The following ZFPM2 variants were observed in gnomAD, a reference collection of about 807,000 sequenced individuals.
The protein encoded by ZFPM2 is zinc finger protein, FOG family member 2, also known as zinc finger protein ZFPM2.
ZFPM2 carries 20 observed loss-of-function variants against 98.6 expected under a neutral mutation model. The observed-to-expected ratio is 0.20, with a 90% CI of 0.14 to 0.29. The LOEUF is 0.29. ZFPM2 is among the 10% of genes least tolerant of loss of function. ZFPM2 has a pLI of 1.00. For synonymous variants in ZFPM2, 518 were observed against 502.7 expected (o/e 1.03, Z -0.41); for missense variants, 1,310 against 1,388.6 (o/e 0.94, Z 0.90).
chr8:105,461,239 C>G (rs1313156541), intron 3 of ZFPM2, among the ~76,000 whole-genome samples: 1 of 152,058 alleles, frequency 6.6e-6, no homozygotes, highest in Non-Finnish European at 1.5e-5. Context: ...CTGGATTTGA[C>G]TCATTCTTTA....
At chr8:105,453,300 T>C (rs973261030) in intron 3 of ZFPM2, among the ~76,000 whole-genome samples, 4 of 152,238 alleles carry the variant, frequency 2.6e-5, no homozygotes, top group South Asian at 2.1e-4. Flanking sequence ...GTTTTAATAA[T>C]GATTTTTGAG....
intron 1 of ZFPM2, among the ~76,000 whole-genome samples, chr8:105,358,176 T>G (rs898914670): frequency 6.6e-6 from 1 of 152,218 alleles, no homozygotes; most frequent in African/African-American, 2.4e-5. Context: ...TAACCTAGTG[T>G]GTCGTAAAAC....
intron 5 of ZFPM2, among the ~76,000 whole-genome samples, chr8:105,712,437 G>C (rs1212180624): frequency 6.6e-6 from 1 of 152,064 alleles, no homozygotes; most frequent in East Asian, 1.9e-4. Flanking sequence ...GAGGTAGACA[G>C]TATTACCTCA....
At chr8:105,606,358 A>C (rs542435355) in intron 4 of ZFPM2, among the ~76,000 whole-genome samples, 13 of 151,814 alleles carry the variant, frequency 8.6e-5, no homozygotes, top group Admixed American at 5.3e-4. Flanking sequence ...ATGTATTTCC[A>C]TATCTTTTTT....
chr8:105,443,312 C>CAA lies in ZFPM2; in HGVS notation c.200-963_200-962dup, dbSNP rs1491232192. Among the ~76,000 whole-genome samples, 28 of 115,340 alleles carry CAA rather than the reference C, an allele frequency of 2.4e-4. 1 individual carries two copies. Among genetic ancestry groups the CAA allele is most frequent in the Non-Finnish European group, 3.0e-4 (18 of 60,846 alleles). The allele number at this position is 115,340 out of a possible 152,430, so 75.7% of individuals were successfully genotyped here. A position where few individuals can be genotyped will look rare whatever the true frequency, so the allele number is the denominator to read the frequency against. On this transcript the variant is annotated intron_variant, in intron 2 of 7. Transcript: ENST00000407775. ...TGACAGAGCGAGTAAGACTCCTTCT[C>CAA]AAAAAACAAAAAACAAAAAAAAAAA... is the stretch of plus-strand genomic sequence containing the variant.
chr8:105,756,890 G>A (rs191882332), intron 5 of ZFPM2, among the ~76,000 whole-genome samples: 12 of 152,278 alleles, frequency 7.9e-5, no homozygotes, highest in African/African-American at 2.9e-4. Flanking sequence ...TGCAGATGGC[G>A]ATGCCGTGAT....
intron 5 of ZFPM2, among the ~76,000 whole-genome samples, chr8:105,679,614 C>A (rs776696343): frequency 6.6e-6 from 1 of 151,580 alleles, no homozygotes; most frequent in African/African-American, 2.4e-5. Context: ...AGCAACATGG[C>A]AAAACTCCAT....
At chr8:105,605,238 A>G (rs1408368543) in intron 4 of ZFPM2, among the ~76,000 whole-genome samples, 1 of 152,138 alleles carries the variant, frequency 6.6e-6, no homozygotes, top group East Asian at 1.9e-4. Flanking sequence ...CACTCTCTCA[A>G]TTGTTAACCC....
chr8:105,780,971 TTTGA>T (rs1813230920), intron 5 of ZFPM2, among the ~76,000 whole-genome samples: 1 of 152,256 alleles, frequency 6.6e-6, no homozygotes, highest in Non-Finnish European at 1.5e-5. Flanking sequence ...CTGTGAAACA[TTTGA>T]TCATCAAGAC....
intron 4 of ZFPM2, among the ~76,000 whole-genome samples, chr8:105,613,234 A>G (rs1452968082): frequency 1.3e-5 from 2 of 152,158 alleles, no homozygotes; most frequent in African/African-American, 2.4e-5. Flanking sequence ...GATACTGCAG[A>G]GCACACCATG....
chr8:105,404,079 A>G (rs1487861875), intron 1 of ZFPM2, among the ~76,000 whole-genome samples: 3 of 152,072 alleles, frequency 2.0e-5, no homozygotes, highest in Admixed American at 1.3e-4. Context: ...CTAGGTTCTT[A>G]CTACAGGTAG....
chr8:105,624,176 C>T (rs1173839203), intron 4 of ZFPM2, among the ~76,000 whole-genome samples: 1 of 152,166 alleles, frequency 6.6e-6, no homozygotes, highest in Non-Finnish European at 1.5e-5. Context: ...GATCCCTGAA[C>T]CCTGCCACAG....
chr8:105,803,766 G>T lies in ZFPM2; in HGVS notation c.*228G>T. ...TTTTACCAGCAGTATTCATAGCTGT[G>T]GTTATGTTATTTTTTATTTAAAAAC... On this transcript the variant is annotated 3_prime_UTR_variant, in exon 8 of 8. Transcript: ENST00000407775. The T allele has an allele frequency of 4.1e-6, 2 of 483,790 alleles. No individual in the cohort carries two copies. The highest frequency in any genetic ancestry group is 3.0e-5 in the South Asian group (1 of 33,848). 30.0% of individuals were successfully genotyped at this position (483,790 alleles called of 1,614,324 possible).
chr8:105,454,930 G>A (rs923058206), intron 3 of ZFPM2, among the ~76,000 whole-genome samples: 1 of 152,170 alleles, frequency 6.6e-6, no homozygotes, highest in Non-Finnish European at 1.5e-5. Flanking sequence ...ATGATAAAAT[G>A]TCAGAGGTTC....
intron 5 of ZFPM2, among the ~76,000 whole-genome samples, chr8:105,777,609 G>GA (rs1032445704): frequency 6.6e-6 from 1 of 152,164 alleles, no homozygotes; most frequent in African/African-American, 2.4e-5. Context: ...TAGTACAAAT[G>GA]AAAAAAGTTA....
intron 5 of ZFPM2, among the ~76,000 whole-genome samples, chr8:105,668,454 TAAAAC>T (rs1437074926): frequency 6.6e-6 from 1 of 151,958 alleles, no homozygotes; most frequent in Admixed American, 6.5e-5. Flanking sequence ...TGCATTTTCT[TAAAAC>T]AGAAAAAAGT....
At chr8:105,676,758 A>G (rs1320530032) in intron 5 of ZFPM2, among the ~76,000 whole-genome samples, 1 of 152,066 alleles carries the variant, frequency 6.6e-6, no homozygotes, top group African/African-American at 2.4e-5. Flanking sequence ...GGGAAATTTC[A>G]TGCTTCACTA....
chr8:105,444,195 A>T, intron 2 of ZFPM2, 85 bp from the exon 3 acceptor site: 1 of 1,021,012 alleles, frequency 9.8e-7, no homozygotes, highest in Non-Finnish European at 1.5e-6. Context: ...TAGATATATG[A>T]TAAGGACATC....
chr8:105,535,049 A>G (rs1448178373), intron 3 of ZFPM2, among the ~76,000 whole-genome samples: 3 of 152,172 alleles, frequency 2.0e-5, no homozygotes, highest in Non-Finnish European at 2.9e-5. Context: ...TTCCCCTGCA[A>G]TGTTCAAATA....
Sources: allele counts gnomAD v4.1 joint callset (sites outside exome capture counted in the v4.1 genomes callset), GRCh38; gene constraint gnomAD v4.1.1; transcripts MANE v1.5; gene names NCBI Gene and HGNC (gene_info 2026-07-23, HGNC 2026-07-21).